Variants in RBFOX1 observed in about 807,000 individuals in gnomAD.
RBFOX1 encodes the protein RNA binding protein fox-1 homolog 1.
Under a neutral mutation model 57.7 loss-of-function variants are expected in RBFOX1, and 8 were observed. The ratio of observed to expected loss-of-function variants is 0.14; its 90% CI spans 0.08 to 0.25. The LOEUF (loss-of-function observed/expected upper bound fraction) is 0.25, where lower values mean the gene tolerates loss of function less well. RBFOX1 is among the 10% of genes least tolerant of loss of function. The pLI is 1.00. For missense variants in RBFOX1, 611 were observed against 548.5 expected, an observed-to-expected ratio of 1.11 and a Z score of -1.14; for synonymous variants, 326 against 222.4, an observed-to-expected ratio of 1.47 and a Z score of -4.15.
chr16:7,353,299 AAGAT>A (rs1603627093), intron 4 of RBFOX1, among the ~76,000 whole-genome samples: 2 of 152,216 alleles, frequency 1.3e-5, no homozygotes, highest in African/African-American at 2.4e-5. Flanking sequence ...TATAATAAAA[AAGAT>A]AGACAGCAAG....
chr16:5,609,569 A>G (rs1365258668), intron 3 of RBFOX1, among the ~76,000 whole-genome samples: 1 of 152,196 alleles, frequency 6.6e-6, no homozygotes, highest in East Asian at 1.9e-4. Context: ...GTGTCAGCGA[A>G]GGTTGACCCA....
rs144243709 is a variant in RBFOX1 at position 6,519,561 on chromosome 16, C to T, written c.-63-135042C>T. 8.0e-3 allele frequency among the ~76,000 whole-genome samples: 1,222 copies of T among 152,128 alleles called. 28 individuals are homozygous for T. Among genetic ancestry groups the T allele is most frequent in the East Asian group, 0.045 (229 of 5,124 alleles). ...ACTAAAAATACAAAAATTAGCCAGG[C>T]GTGGTGGTACATGCCTGCAATTCCA... On this transcript the variant is annotated intron_variant, in intron 2 of 15. Coordinates refer to ENST00000550418, the MANE Select transcript of RBFOX1 (RefSeq NM_018723.4).
chr16:7,419,453 C>T (rs142668908), intron 4 of RBFOX1, among the ~76,000 whole-genome samples: 36 of 152,336 alleles, frequency 2.4e-4, no homozygotes, highest in African/African-American at 7.5e-4. Context: ...GCAATGCAAC[C>T]GGCACCTTTG....
chr16:7,706,805 T>TA (rs2082600647), intron 14 of RBFOX1, among the ~76,000 whole-genome samples: 1 of 152,192 alleles, frequency 6.6e-6, no homozygotes, highest in Non-Finnish European at 1.5e-5. Flanking sequence ...TAAAGAGCAG[T>TA]ACCAAGGTTA....
intron 3 of RBFOX1, among the ~76,000 whole-genome samples, chr16:6,834,248 A>G (rs920414865): frequency 2.6e-5 from 4 of 151,624 alleles, no homozygotes; most frequent in African/African-American, 4.9e-5. Context: ...TAGTTTTTAT[A>G]TTTTTTAGTA....
chr16:5,822,987 A>AT (rs2151808600), intron 3 of RBFOX1, among the ~76,000 whole-genome samples: 1 of 152,366 alleles, frequency 6.6e-6, no homozygotes, highest in South Asian at 2.1e-4. Flanking sequence ...TTAGGGCACC[A>AT]AGCTGTAGGA....
chr16:7,000,375 C>T (rs17141993), intron 3 of RBFOX1, among the ~76,000 whole-genome samples: 19,577 of 151,964 alleles, frequency 0.13, 4,232 homozygotes, highest in African/African-American at 0.44. Flanking sequence ...TAAACTGGTA[C>T]CACCTCCAAC....
chr16:6,574,424 ATTTT>A (rs34505014), intron 2 of RBFOX1, among the ~76,000 whole-genome samples: 11 of 89,924 alleles, frequency 1.2e-4, no homozygotes, highest in African/African-American at 3.8e-4. Context: ...CGTATCTTCT[ATTTT>A]TTTTTTTTTT....
intron 4 of RBFOX1, among the ~76,000 whole-genome samples, chr16:7,120,771 G>A (rs993735518): frequency 6.8e-6 from 1 of 146,292 alleles, no homozygotes; most frequent in South Asian, 2.1e-4. Context: ...CAATTTATGA[G>A]TCTAACATTA....
intron 1 of RBFOX1, among the ~76,000 whole-genome samples, chr16:6,192,936 A>T (rs1255903556): frequency 6.6e-6 from 1 of 152,182 alleles, no homozygotes; most frequent in Non-Finnish European, 1.5e-5. Context: ...ATTATGTCGA[A>T]ATTCAATTAA....
intron 1 of RBFOX1, among the ~76,000 whole-genome samples, chr16:5,395,646 G>T (rs1006832485): frequency 6.6e-6 from 1 of 152,156 alleles, no homozygotes; most frequent in Non-Finnish European, 1.5e-5. Context: ...ATCCCCTCCC[G>T]TTGCATGTGG....
At chr16:5,504,509 A>G (rs2043310329) in intron 2 of RBFOX1, among the ~76,000 whole-genome samples, 1 of 152,220 alleles carries the variant, frequency 6.6e-6, no homozygotes, top group Non-Finnish European at 1.5e-5. Context: ...CGATCATAAA[A>G]ATGCCTCCAT....
chr16:6,910,876 C>G (rs948336124), intron 3 of RBFOX1, among the ~76,000 whole-genome samples: 1 of 152,090 alleles, frequency 6.6e-6, no homozygotes, highest in Non-Finnish European at 1.5e-5. Context: ...GGTCTTTATA[C>G]CTTTGCCTTC....
chr16:5,626,737 T>C (rs1022136628), intron 3 of RBFOX1, among the ~76,000 whole-genome samples: 5 of 152,142 alleles, frequency 3.3e-5, no homozygotes, highest in Non-Finnish European at 2.9e-5. Context: ...TTTCTGGTGA[T>C]AGATCTTGTG....
intron 3 of RBFOX1, among the ~76,000 whole-genome samples, chr16:5,618,967 C>T (rs1238728129): frequency 6.6e-6 from 1 of 152,114 alleles, no homozygotes; most frequent in East Asian, 1.9e-4. Flanking sequence ...GCCGGCTCCT[C>T]CCAGCCGGCA....
chr16:5,996,814 T>A (rs1056119150), intron 4 of RBFOX1, among the ~76,000 whole-genome samples: 1 of 152,160 alleles, frequency 6.6e-6, no homozygotes, highest in South Asian at 2.1e-4. Flanking sequence ...TCTCTGCTAG[T>A]GCTCTCCATC....
intron 13 of RBFOX1, among the ~76,000 whole-genome samples, chr16:7,671,218 A>G (rs1410693707): frequency 2.6e-5 from 4 of 152,218 alleles, no homozygotes; most frequent in Non-Finnish European, 1.5e-5. Context: ...AGATAAAGAG[A>G]TGAATGTGAA....
intron 1 of RBFOX1, among the ~76,000 whole-genome samples, chr16:5,356,267 G>A (rs978434351): frequency 4.6e-5 from 7 of 152,196 alleles, no homozygotes; most frequent in African/African-American, 1.7e-4. Context: ...GCCTCCAGAA[G>A]GAATCATCCG....
At chr16:7,305,981 A>C (rs1199338804) in intron 4 of RBFOX1, among the ~76,000 whole-genome samples, 4 of 152,256 alleles carry the variant, frequency 2.6e-5, no homozygotes, top group South Asian at 4.2e-4. Context: ...CCGGAAGAAA[A>C]TTCTAATGAG....
Sources: gnomAD v4.1 joint callset for allele counts (sites outside exome capture counted in the v4.1 genomes callset) on GRCh38, gnomAD v4.1.1 for gene constraint, MANE v1.5 for transcripts, NCBI Gene and HGNC (gene_info 2026-07-23, HGNC 2026-07-21) for gene names.